The following IL6R variants were observed in gnomAD, a reference collection of about 807,000 sequenced individuals.
The protein encoded by IL6R is interleukin 6 receptor.
IL6R carries 38 observed loss-of-function variants against 48.3 expected under a neutral mutation model. That is an observed-to-expected ratio of 0.79 (90% CI 0.61 to 1.03). IL6R has a LOEUF of 1.03. IL6R is among the 50% of genes least tolerant of loss of function. The pLI, the probability that IL6R is intolerant of heterozygous loss-of-function variation, is 0.00. For synonymous variants in IL6R, 264 were observed against 256.2 expected (o/e 1.03, Z -0.29); for missense variants, 534 against 618.3 (o/e 0.86, Z 1.45).
intron 1 of IL6R, among the ~76,000 whole-genome samples, chr1:154,421,048 T>C (rs929331388): frequency 2.6e-5 from 4 of 152,194 alleles, no homozygotes; most frequent in African/African-American, 9.7e-5. Flanking sequence ...TTGTCCTCTC[T>C]GCAGAATCCC....
At chr1:154,437,515 G>T (rs1333537671) in intron 6 of IL6R, 1 of 445,958 alleles carries the variant, frequency 2.2e-6, no homozygotes, top group African/African-American at 2.0e-5. Context: ...CTGGGTTCAA[G>T]CAATCCTCCC....
chr1:154,465,019 G>A lies in IL6R; in HGVS notation c.1161-115G>A, dbSNP rs536608365. The stretch of plus-strand genomic sequence containing the variant: ...CTGATAGTTATTGCTCCTTTGAGCC[G>A]AAACCTGGGCGCGCCAGGCCACCAG... On this transcript the variant is annotated intron_variant, in intron 9 of 9. Transcript: ENST00000368485. 1,002 of 1,249,528 alleles carry A rather than the reference G, an allele frequency of 8.0e-4. 6 individuals are homozygous for A. The Middle Eastern group carries it at 0.014, about 17-fold the overall frequency. The allele number at this position is 1,249,528 out of a possible 1,614,324, so 77.4% of individuals were successfully genotyped here. A position where few individuals can be genotyped will look rare whatever the true frequency, so the allele number is the denominator to read the frequency against.
intron 1 of IL6R, among the ~76,000 whole-genome samples, chr1:154,418,744 G>A (rs1311936867): frequency 1.3e-5 from 2 of 152,132 alleles, no homozygotes; most frequent in African/African-American, 4.8e-5. Flanking sequence ...TGGAGTCCAA[G>A]GGGAGGCAGT....
intron 1 of IL6R, among the ~76,000 whole-genome samples, chr1:154,410,404 A>C (rs1381506162): frequency 6.6e-6 from 1 of 152,102 alleles, no homozygotes; most frequent in East Asian, 1.9e-4. Flanking sequence ...GGCGTGCACC[A>C]CCACATCTGG....
intron 1 of IL6R, among the ~76,000 whole-genome samples, chr1:154,427,056 T>C (rs1050735269): frequency 1.3e-5 from 2 of 152,078 alleles, no homozygotes; most frequent in African/African-American, 4.8e-5. Context: ...GTAGCTGGGA[T>C]TACAGGAGCC....
At chr1:154,415,359 C>A (rs929585826) in intron 1 of IL6R, among the ~76,000 whole-genome samples, 2 of 152,176 alleles carry the variant, frequency 1.3e-5, no homozygotes, top group Non-Finnish European at 2.9e-5. Context: ...CCAGTTGTCA[C>A]CTGACATCTC....
At chr1:154,449,728 G>A (rs1021975926) in intron 7 of IL6R, among the ~76,000 whole-genome samples, 183 bp from the exon 8 acceptor site, 4 of 152,166 alleles carry the variant, frequency 2.6e-5, no homozygotes, top group Non-Finnish European at 5.9e-5. Context: ...TAGCAGGCAT[G>A]GTGTGGATAG....
At position 154,452,570 on chromosome 1, in the gene IL6R, C is replaced by T. The variant is rs188416788; in HGVS notation, c.1067-1918C>T. Among the ~76,000 whole-genome samples the T allele has an allele frequency of 3.5e-3, 525 of 151,726 alleles. 5 individuals are homozygous for T. The highest frequency in any genetic ancestry group is 0.012 in the African/African-American group (485 of 41,352). On this transcript the variant is annotated intron_variant, in intron 8 of 9. Transcript: ENST00000368485. ...TTGTTTGGCCGGGCGCGGTGGCTCACGCCTGTAATCCCAGCACTTTGGGAG... is the reference window on the plus strand; with the variant it reads ...TTGTTTGGCCGGGCGCGGTGGCTCATGCCTGTAATCCCAGCACTTTGGGAG...
chr1:154,462,110 A>G (rs996712593), intron 9 of IL6R, among the ~76,000 whole-genome samples: 6 of 152,178 alleles, frequency 3.9e-5, no homozygotes, highest in Non-Finnish European at 5.9e-5. Context: ...TTACTGCTTC[A>G]TTATAACTAT....
rs201253814 is a variant in IL6R, at chr1:154,412,250, C to CT, written c.85+6546dup. Among the ~76,000 whole-genome samples, 48 of 141,134 alleles carry CT rather than the reference C, an allele frequency of 3.4e-4. 1 individual carries two copies. The highest frequency in any genetic ancestry group is 4.6e-4 in the South Asian group (2 of 4,368). 92.6% of individuals were successfully genotyped at this position (141,134 alleles called of 152,430 possible). ...GTGTGAGCCACCGTGCCCGGTGAGC[C>CT]TTTTTTTTTTGTTTTTGTTTTGAGA... On this transcript the variant is annotated intron_variant, in intron 1 of 9. Coordinates refer to ENST00000368485, the MANE Select transcript of IL6R (RefSeq NM_000565.4).
At chr1:154,433,403 T>C (rs185284341) in intron 3 of IL6R, among the ~76,000 whole-genome samples, 1 of 152,360 alleles carries the variant, frequency 6.6e-6, no homozygotes, top group African/African-American at 2.4e-5. Flanking sequence ...AATTCTTTTC[T>C]GGACTCACCT....
At chr1:154,419,355 A>G (rs927143185) in intron 1 of IL6R, among the ~76,000 whole-genome samples, 1 of 152,196 alleles carries the variant, frequency 6.6e-6, no homozygotes, top group African/African-American at 2.4e-5. Context: ...GACCAAGAGC[A>G]CTGGGACTTG....
chr1:154,428,466 T>C (rs1221671540), intron 1 of IL6R, among the ~76,000 whole-genome samples: 1 of 152,248 alleles, frequency 6.6e-6, no homozygotes, highest in Non-Finnish European at 1.5e-5. Context: ...ACCCTGCGAT[T>C]TGGAAACCTC....
At position 154,434,665 on chromosome 1, in the gene IL6R, TC is replaced by T; in HGVS notation, c.606del (p.Phe202LeufsTer85). 1 of 1,614,156 alleles carries T rather than the reference TC, an allele frequency of 6.2e-7. No individual in the cohort carries two copies. Among genetic ancestry groups the T allele is most frequent in the Non-Finnish European group, 8.5e-7 (1 of 1,180,030 alleles). ...MCVASSVGSKFSKTQTFQGCG... is the reference protein window; with the variant it reads ...MCVASSVGSKXSKTQTFQGCG... ...GTCGCCAGTAGTGTCGGGAGCAAGT[TC>T]AGCAAAACTCAAACCTTTCAGGGTT... On this transcript the variant is annotated frameshift_variant, in exon 4 of 10. Transcript: ENST00000368485. LOFTEE classifies it high-confidence loss of function.
rs902008358 is a variant in IL6R at position 154,449,943 on chromosome 1, T to C, written c.1029T>C (p.Ile343=). ...CTACTAATAAAGACGATGATAATAT[T>C]CTCTTCAGAGATTCTGCAAATGCGA... The part of the protein sequence containing the change: ...ALTTNKDDDN[I]LFRDSANATS... The change falls in exon 8 of 10, where the codon ATT becomes ATC. Residue 343 remains isoleucine (I), a synonymous_variant. Coordinates refer to ENST00000368485, the MANE Select transcript of IL6R (RefSeq NM_000565.4). 2.5e-6 allele frequency: 4 copies of C among 1,610,700 alleles called. No individual in the cohort carries two copies. In the African/African-American group the frequency reaches 5.3e-5, roughly 22 times the overall value.
Position 154,434,669 on chromosome 1 carries a change from C to T in IL6R, c.609C>T (p.Ser203=). 3 of 1,614,134 alleles carry T rather than the reference C, an allele frequency of 1.9e-6. No homozygotes were observed. The highest frequency in any genetic ancestry group is 2.5e-6 in the Non-Finnish European group (3 of 1,180,000). ...CCAGTAGTGTCGGGAGCAAGTTCAG[C>T]AAAACTCAAACCTTTCAGGGTTGTG... ...CVASSVGSKF[S]KTQTFQGCGI... Residue 203 remains serine (S), a synonymous_variant, in exon 4 of 10, where the codon AGC becomes AGT. Transcript: ENST00000368485.
Position 154,436,073 on chromosome 1 carries a change from C to A in IL6R, c.912C>A (p.Ser304Arg), listed in dbSNP as rs756508314. 6.2e-7 allele frequency: 1 copy of A among 1,612,888 alleles called. No individual in the cohort carries two copies. Among genetic ancestry groups the A allele is most frequent in the Non-Finnish European group, 8.5e-7 (1 of 1,179,282 alleles). Reference protein sequence around the residue: ...AQEEFGQGEWSEWSPEAMGTP... With the variant: ...AQEEFGQGEWREWSPEAMGTP... The stretch of plus-strand genomic sequence containing the variant: ...AGGAGTTCGGGCAAGGCGAGTGGAG[C>A]GAGTGGAGCCCGGAGGCCATGGGCA... The change falls in exon 6 of 10, where the codon AGC (serine) becomes AGA (arginine). Residue 304 changes from serine to arginine, a missense_variant. Transcript: ENST00000368485.
intron 6 of IL6R, among the ~76,000 whole-genome samples, chr1:154,438,728 C>G (rs1689772591): frequency 6.6e-6 from 1 of 152,070 alleles, no homozygotes; most frequent in Admixed American, 6.6e-5. Context: ...CTGTGGGGTC[C>G]TTGTCCCTTG....
At chr1:154,459,062 C>T (rs1392929549) in intron 9 of IL6R, among the ~76,000 whole-genome samples, 1 of 152,204 alleles carries the variant, frequency 6.6e-6, no homozygotes, top group African/African-American at 2.4e-5. Flanking sequence ...CAAGAACACA[C>T]ACCCTGAGAG....
Sources: gnomAD v4.1 joint callset for allele counts (sites outside exome capture counted in the v4.1 genomes callset) on GRCh38, gnomAD v4.1.1 for gene constraint, MANE v1.5 for transcripts, NCBI Gene and HGNC (gene_info 2026-07-23, HGNC 2026-07-21) for gene names.